CCNY: variants seen among roughly 807,000 people sequenced by gnomAD.
CCNY encodes the protein cyclin Y.
In CCNY, 19 loss-of-function variants were observed where a neutral mutation model predicts 42.8. The observed-to-expected ratio is 0.44, with a 90% CI of 0.31 to 0.65. The LOEUF is 0.65. Ranked by LOEUF, CCNY falls within the 30% of genes least tolerant of loss-of-function variation. The probability of loss-of-function intolerance (pLI) is 0.07; values close to 1 mark genes in which losing one functional copy is unlikely to be tolerated. For missense variants in CCNY, 370 were observed against 437.3 expected (o/e 0.85, Z 1.37); for synonymous variants, 165 against 162.7 (o/e 1.01, Z -0.11).
intron 3 of CCNY, among the ~76,000 whole-genome samples, chr10:35,323,679 T>C (rs1317017824): frequency 6.6e-6 from 1 of 152,066 alleles, no homozygotes; most frequent in Non-Finnish European, 1.5e-5. Context: ...TTCTAGATCT[T>C]GATTGTGGTG....
At chr10:35,386,098 T>C (rs1837295201) in intron 1 of CCNY, among the ~76,000 whole-genome samples, 1 of 152,332 alleles carries the variant, frequency 6.6e-6, no homozygotes, top group East Asian at 1.9e-4. Context: ...TTCTGCTAGA[T>C]TTAGCCAAAA....
intron 3 of CCNY, among the ~76,000 whole-genome samples, chr10:35,273,244 T>C (rs1318145840): frequency 6.6e-6 from 1 of 151,804 alleles, no homozygotes; most frequent in South Asian, 2.1e-4. Context: ...CTCTGTCACC[T>C]AGGCTGGAGC....
intron 4 of CCNY, 38 bp downstream of exon 4, chr10:35,516,661 CTT>C (rs35268084): frequency 0.093 from 29,309 of 313,560 alleles, 1 homozygote; most frequent in South Asian, 0.12. Context: ...TCCTTCCTTC[CTT>C]TTTTTTTTTT....
chr10:35,294,122 G>A (rs528510384), intron 3 of CCNY, among the ~76,000 whole-genome samples: 1 of 152,256 alleles, frequency 6.6e-6, no homozygotes, highest in Admixed American at 6.5e-5. Flanking sequence ...CTTTTATCCT[G>A]AAACTTTACA....
intron 3 of CCNY, among the ~76,000 whole-genome samples, chr10:35,298,571 A>G (rs910472449): frequency 1.3e-5 from 2 of 152,190 alleles, no homozygotes; most frequent in Non-Finnish European, 2.9e-5. Flanking sequence ...GCTGGAGTAC[A>G]GTGGCACAAT....
chr10:35,521,690 C>A (rs1389806092), intron 4 of CCNY, among the ~76,000 whole-genome samples: 2 of 152,142 alleles, frequency 1.3e-5, no homozygotes, highest in Non-Finnish European at 2.9e-5. Context: ...ATAAACAAGG[C>A]ACAGGCTTTG....
chr10:35,536,483 G>C (rs562934272), intron 7 of CCNY, among the ~76,000 whole-genome samples: 2 of 152,292 alleles, frequency 1.3e-5, no homozygotes, highest in African/African-American at 4.8e-5. Context: ...GGAACAGTTT[G>C]AAAGGCTCAG....
At chr10:35,262,587 C>T (rs1218150857) in intron 3 of CCNY, among the ~76,000 whole-genome samples, 1 of 151,992 alleles carries the variant, frequency 6.6e-6, no homozygotes, top group African/African-American at 2.4e-5. Flanking sequence ...GTCTAGAACT[C>T]CTGACCTCAT....
chr10:35,519,345 A>G (rs1307476414), intron 4 of CCNY, among the ~76,000 whole-genome samples: 1 of 151,982 alleles, frequency 6.6e-6, no homozygotes, highest in Non-Finnish European at 1.5e-5. Flanking sequence ...ACAGATCTTG[A>G]TTGAATCTGG....
At chr10:35,507,266 T>C (rs1486339632) in intron 3 of CCNY, among the ~76,000 whole-genome samples, 1 of 152,138 alleles carries the variant, frequency 6.6e-6, no homozygotes, top group African/African-American at 2.4e-5. Flanking sequence ...TATATACATA[T>C]ATATGTGTGT....
chr10:35,330,189 T>C (rs1260254809), intron 3 of CCNY, among the ~76,000 whole-genome samples: 1 of 152,192 alleles, frequency 6.6e-6, no homozygotes, highest in Non-Finnish European at 1.5e-5. Flanking sequence ...ATAGAAAGAT[T>C]TCTTGCCAGG....
chr10:35,340,140 A>G (rs900980951), intron 1 of CCNY, among the ~76,000 whole-genome samples: 1 of 152,230 alleles, frequency 6.6e-6, no homozygotes, highest in African/African-American at 2.4e-5. Flanking sequence ...AGACAAAGAA[A>G]TGAGTCACTG....
chr10:35,463,873 C>T (rs1347144881), intron 1 of CCNY, among the ~76,000 whole-genome samples: 15 of 152,202 alleles, frequency 9.9e-5, no homozygotes, highest in Non-Finnish European at 1.8e-4. Flanking sequence ...CATTGACCTA[C>T]TTCCTGATCA....
chr10:35,430,587 A>G (rs1838368804), intron 1 of CCNY, among the ~76,000 whole-genome samples: 1 of 152,168 alleles, frequency 6.6e-6, no homozygotes, highest in Admixed American at 6.6e-5. Context: ...ACATAATAAC[A>G]ACTGTAGTGT....
intron 1 of CCNY, among the ~76,000 whole-genome samples, chr10:35,403,145 C>T (rs187175281): frequency 7.6e-4 from 115 of 151,704 alleles, no homozygotes; most frequent in East Asian, 3.9e-4. Context: ...GGGGGTTGGC[C>T]TGAACAATCC....
intron 1 of CCNY, among the ~76,000 whole-genome samples, chr10:35,363,733 T>C (rs1172929471): frequency 6.6e-6 from 1 of 152,118 alleles, no homozygotes; most frequent in Non-Finnish European, 1.5e-5. Context: ...TTAAAAGTTT[T>C]CGTATTCCCT....
intron 1 of CCNY, among the ~76,000 whole-genome samples, chr10:35,423,607 C>T (rs1197971070): frequency 6.6e-6 from 1 of 151,484 alleles, no homozygotes; most frequent in African/African-American, 2.4e-5. Flanking sequence ...GATTTTTCCT[C>T]CTGGGTTTGT....
intron 1 of CCNY, among the ~76,000 whole-genome samples, chr10:35,391,420 CA>C (rs1489726658): frequency 2.0e-5 from 3 of 152,118 alleles, no homozygotes; most frequent in Admixed American, 2.0e-4. Flanking sequence ...CAGGTCAAAG[CA>C]GATGACCGGA....
At chr10:35,529,066 A>C (rs1437162185) in intron 5 of CCNY, among the ~76,000 whole-genome samples, 2 of 152,248 alleles carry the variant, frequency 1.3e-5, no homozygotes, top group East Asian at 3.8e-4. Flanking sequence ...CGCAGAGCCC[A>C]GCGGCCCACG....
Sources: allele counts gnomAD v4.1 joint callset (sites outside exome capture counted in the v4.1 genomes callset), GRCh38; gene constraint gnomAD v4.1.1; transcripts MANE v1.5; gene names NCBI Gene and HGNC (gene_info 2026-07-23, HGNC 2026-07-21).